Variants in CDC37 observed in about 807,000 individuals in gnomAD.
CDC37 encodes the protein cell division cycle 37, HSP90 cochaperone, also known as hsp90 co-chaperone Cdc37.
In CDC37, 9 loss-of-function variants were observed where a neutral mutation model predicts 46.9. That is an observed-to-expected ratio of 0.19 (90% CI 0.12 to 0.33). CDC37 has a LOEUF of 0.33. CDC37 is among the 10% of genes least tolerant of loss of function. The pLI is 1.00. For missense variants in CDC37, 388 were observed against 514.6 expected, an observed-to-expected ratio of 0.75 and a Z score of 2.38; for synonymous variants, 193 against 191.0, an observed-to-expected ratio of 1.01 and a Z score of -0.09.
intron 7 of CDC37, among the ~76,000 whole-genome samples, chr19:10,391,992 G>T (rs947799906): frequency 6.6e-6 from 1 of 152,172 alleles, no homozygotes; most frequent in Non-Finnish European, 1.5e-5. Context: ...AGTAGAGATG[G>T]GGTTTTGCCA....
intron 5 of CDC37, 67 bp downstream of exon 5, chr19:10,394,954 C>A: frequency 6.7e-7 from 1 of 1,495,662 alleles, no homozygotes; most frequent in East Asian, 2.3e-5. Flanking sequence ...TCGGCCTTAC[C>A]TAGAGCATTG....
intron 2 of CDC37, 24 bp downstream of exon 2, chr19:10,395,904 G>GACC: frequency 3.2e-6 from 5 of 1,541,892 alleles, no homozygotes; most frequent in Admixed American, 3.8e-5. Context: ...CATGCGCACT[G>GACC]CCCGCCCCGC....
chr19:10,403,504 C>G lies in CDC37; in HGVS notation c.-25G>C, dbSNP rs377317629. On this transcript the variant is annotated 5_prime_UTR_variant, in exon 1 of 8. Transcript: ENST00000222005. ...TCTTGCCTTGGCGGCCCAGCCCGCT[C>G]CGGCTCGGGTGGCGGCGACGGCGGC... 9 of 1,578,254 alleles carry G rather than the reference C, an allele frequency of 5.7e-6. No individual in the cohort carries two copies. Among genetic ancestry groups the G allele is most frequent in the African/African-American group, 5.4e-5 (4 of 74,328 alleles).
intron 7 of CDC37, among the ~76,000 whole-genome samples, chr19:10,392,443 G>T (rs1373196209): frequency 6.6e-6 from 1 of 152,172 alleles, no homozygotes; most frequent in East Asian, 1.9e-4. Context: ...TTACAGACGA[G>T]AAAACCAGTG....
At chr19:10,397,273 T>C (rs2042497278) in intron 1 of CDC37, among the ~76,000 whole-genome samples, 1 of 152,072 alleles carries the variant, frequency 6.6e-6, no homozygotes, top group African/African-American at 2.4e-5. Flanking sequence ...TTGTTCAGTT[T>C]TGTTTGAACA....
intron 1 of CDC37, among the ~76,000 whole-genome samples, chr19:10,402,634 GA>G (rs2145422082): frequency 6.6e-6 from 1 of 152,278 alleles, no homozygotes; most frequent in East Asian, 1.9e-4. Context: ...GGTATAATGG[GA>G]AATGGGTCTA....
intron 1 of CDC37, among the ~76,000 whole-genome samples, chr19:10,397,089 A>G (rs560092284): frequency 1.3e-5 from 2 of 152,266 alleles, no homozygotes; most frequent in Admixed American, 6.6e-5. Flanking sequence ...ATCAGCAACC[A>G]CTAACATCAT....
At chr19:10,391,897 C>T (rs1221562179) in intron 7 of CDC37, among the ~76,000 whole-genome samples, 191 bp from the exon 8 acceptor site, 1 of 152,200 alleles carries the variant, frequency 6.6e-6, no homozygotes, top group Non-Finnish European at 1.5e-5. Flanking sequence ...CTCCACCTCC[C>T]AGGTTCAAGT....
At chr19:10,395,167 G>A (rs2042480578) in intron 4 of CDC37, 24 bp from the exon 5 acceptor site, 11 of 1,610,300 alleles carry the variant, frequency 6.8e-6, no homozygotes, top group Middle Eastern at 1.7e-4. Flanking sequence ...CAGGCACAGC[G>A]TCACCAAGTG....
At chr19:10,391,732 G>C in intron 7 of CDC37, 26 bp from the exon 8 acceptor site, 1 of 1,605,588 alleles carries the variant, frequency 6.2e-7, no homozygotes, top group South Asian at 1.1e-5. Context: ...AGGCAGATGA[G>C]GTGGGGCCGC....
chr19:10,391,766 CGTTGTCCCT>C (rs1420567969), intron 7 of CDC37, 60 bp from the exon 8 acceptor site: 16 of 1,569,354 alleles, frequency 1.0e-5, no homozygotes, highest in South Asian at 4.5e-5. Context: ...CCGTTGTCCC[CGTTGTCCCT>C]TGCACATCCC....
intron 5 of CDC37, among the ~76,000 whole-genome samples, chr19:10,394,567 G>A (rs2042477346): frequency 2.6e-5 from 4 of 151,670 alleles, no homozygotes; most frequent in Admixed American, 1.3e-4. Flanking sequence ...ATGGAATTTC[G>A]CTCTTGTTGC....
At chr19:10,401,724 G>A (rs12982179) in intron 1 of CDC37, among the ~76,000 whole-genome samples, 45,636 of 151,936 alleles carry the variant, frequency 0.3, 7,134 homozygotes, top group East Asian at 0.51. Context: ...GACTAATGCC[G>A]TATTCCAGAG....
Position 10,403,447 on chromosome 19 carries a change from C to G in CDC37, c.33G>C (p.Glu11Asp), listed in dbSNP as rs1435689555. 3 of 1,613,518 alleles carry G rather than the reference C, an allele frequency of 1.9e-6. No individual in the cohort carries two copies. In the East Asian group the frequency reaches 6.7e-5, roughly 36 times the overall value. ...GCGTCTCGTCTTCATCATCAGACAC[C>G]TCAATGTGGTCCCACACGCTGTAGT... The part of the protein sequence containing the change: MVDYSVWDHI[E>D]VSDDEDETHP... Residue 11 changes from glutamate to aspartate, a missense_variant, in exon 1 of 8, where the codon GAG becomes GAC. By Grantham distance (45) the Glu-to-Asp change is conservative. Transcript: ENST00000222005.
chr19:10,392,941 T>C (rs1568353670), intron 7 of CDC37, 145 bp downstream of exon 7: 2 of 687,200 alleles, frequency 2.9e-6, no homozygotes, highest in Admixed American at 4.6e-5. Context: ...TATATGTGGG[T>C]GTGTGCCAAG....
At chr19:10,400,325 C>A (rs2042512266) in intron 1 of CDC37, among the ~76,000 whole-genome samples, 1 of 152,158 alleles carries the variant, frequency 6.6e-6, no homozygotes, top group African/African-American at 2.4e-5. Context: ...TGTCTCTGGG[C>A]AGGAGAGCCG....
intron 7 of CDC37, chr19:10,392,661 G>A (rs2042463669): frequency 5.2e-6 from 1 of 192,484 alleles, no homozygotes; most frequent in Non-Finnish European, 1.1e-5. Context: ...TTGAGCCTGG[G>A]AGGTCGAGAC....
intron 5 of CDC37, among the ~76,000 whole-genome samples, chr19:10,394,767 G>T (rs1177893665): frequency 6.6e-6 from 1 of 151,628 alleles, no homozygotes; most frequent in African/African-American, 2.4e-5. Context: ...TCCAACCTCA[G>T]GTGATCTGCC....
At position 10,395,009 on chromosome 19, in the gene CDC37, C is replaced by T; in HGVS notation, c.726+12G>A. On this transcript the variant is annotated intron_variant, in intron 5 of 7. Coordinates refer to ENST00000222005, the MANE Select transcript of CDC37 (RefSeq NM_007065.4). ...GGGGGCCTCCAGCCACCTGGCAGCT[C>T]AGGGACCCTACCTTAATCTTAGTGA... 6.6e-7 allele frequency: 1 copy of T among 1,514,650 alleles called. No individual in the cohort carries two copies. 93.8% of individuals were successfully genotyped at this position (1,514,650 alleles called of 1,614,324 possible). A position where few individuals can be genotyped will look rare whatever the true frequency, so the allele number is the denominator to read the frequency against.
Sources: gnomAD v4.1 joint callset for allele counts (sites outside exome capture counted in the v4.1 genomes callset) on GRCh38, gnomAD v4.1.1 for gene constraint, MANE v1.5 for transcripts, NCBI Gene and HGNC (gene_info 2026-07-23, HGNC 2026-07-21) for gene names.